Variants in IFT80 observed in about 807,000 individuals in gnomAD.
The protein encoded by IFT80 is intraflagellar transport 80.
In IFT80, 79 loss-of-function variants were observed where a neutral mutation model predicts 107.9. The observed-to-expected ratio is 0.73, with a 90% CI of 0.61 to 0.88. The LOEUF is 0.88. Among genes scored for constraint, IFT80 ranks in the 40% least tolerant of loss-of-function variants. IFT80 has a pLI of 0.00. For missense variants in IFT80, 797 were observed against 914.2 expected (o/e 0.87, Z 1.65); for synonymous variants, 299 against 300.9 (o/e 0.99, Z 0.07).
chr3:160,279,463 A>G, intron 15 of IFT80, 99 bp from the exon 16 acceptor site: 1 of 933,262 alleles, frequency 1.1e-6, no homozygotes. Flanking sequence ...ATACACACGG[A>G]GTCTCCAATC....
At chr3:160,307,414 G>C (rs2108276565) in intron 10 of IFT80, among the ~76,000 whole-genome samples, 1 of 152,306 alleles carries the variant, frequency 6.6e-6, no homozygotes, top group South Asian at 2.1e-4. Flanking sequence ...CTCCAAAAGT[G>C]CTGGGGTTAC....
intron 2 of IFT80, chr3:160,383,595 T>G (rs1458627977): frequency 2.3e-6 from 2 of 888,834 alleles, no homozygotes; most frequent in Non-Finnish European, 2.7e-6. Context: ...AATGTCAAAT[T>G]GCTACAAAAA....
intron 4 of IFT80, among the ~76,000 whole-genome samples, chr3:160,376,906 G>A (rs980105301): frequency 1.3e-5 from 2 of 152,106 alleles, no homozygotes; most frequent in Non-Finnish European, 2.9e-5. Flanking sequence ...TATGACTGCC[G>A]CCGCATCCAA....
At chr3:160,370,491 T>C (rs1722159371) in intron 5 of IFT80, among the ~76,000 whole-genome samples, 1 of 152,120 alleles carries the variant, frequency 6.6e-6, no homozygotes, top group African/African-American at 2.4e-5. Context: ...GTGGGATTTA[T>C]TCAAAAAATT....
At chr3:160,288,351 A>C (rs1445794903) in intron 12 of IFT80, among the ~76,000 whole-genome samples, 3 of 152,182 alleles carry the variant, frequency 2.0e-5, no homozygotes, top group Admixed American at 6.5e-5. Context: ...AAAACAACAA[A>C]AAAAGAAAAT....
At chr3:160,321,958 G>A (rs1052593960) in intron 8 of IFT80, among the ~76,000 whole-genome samples, 5 of 151,686 alleles carry the variant, frequency 3.3e-5, no homozygotes, top group African/African-American at 9.7e-5. Flanking sequence ...GAGCATGCTT[G>A]TTTAAGAAAG....
At chr3:160,310,496 G>A (rs1206380000) in intron 9 of IFT80, among the ~76,000 whole-genome samples, 1 of 152,194 alleles carries the variant, frequency 6.6e-6, no homozygotes, top group Non-Finnish European at 1.5e-5. Context: ...TCTAATGGTT[G>A]AGGAGGCAAA....
intron 8 of IFT80, among the ~76,000 whole-genome samples, chr3:160,323,475 C>G (rs919434619): frequency 1.3e-5 from 2 of 152,062 alleles, no homozygotes; most frequent in Non-Finnish European, 2.9e-5. Flanking sequence ...TAGCATGATG[C>G]CTCCAGCTTT....
At chr3:160,362,223 C>T (rs1310849385) in intron 6 of IFT80, among the ~76,000 whole-genome samples, 1 of 152,132 alleles carries the variant, frequency 6.6e-6, no homozygotes. Flanking sequence ...GAAATACAAA[C>T]TACCATCAGA....
intron 1 of IFT80, among the ~76,000 whole-genome samples, chr3:160,392,254 G>A (rs1426043221): frequency 6.6e-6 from 1 of 152,166 alleles, no homozygotes; most frequent in East Asian, 1.9e-4. Flanking sequence ...CAGTCCTTGT[G>A]CCTCTTCTGT....
In IFT80 at chr3:160,399,191, A is replaced by G. The variant is rs1029049595; in HGVS notation, c.-92T>C. The stretch of plus-strand genomic sequence containing the variant: ...TGGCGATTGCTCTCAAATACCTGGT[A>G]CCTCCCCGTCACCATAGTGACTTCT... On this transcript the variant is annotated 5_prime_UTR_variant, in exon 1 of 20. Coordinates refer to ENST00000326448, the MANE Select transcript of IFT80 (RefSeq NM_020800.3). The G allele has an allele frequency of 3.3e-5, 5 of 152,054 alleles. No homozygotes were observed. The highest frequency in any genetic ancestry group is 2.6e-4 in the Admixed American group (4 of 15,272). 9.4% of individuals were successfully genotyped at this position (152,054 alleles called of 1,614,324 possible).
chr3:160,318,795 C>G (rs945741388), intron 9 of IFT80, among the ~76,000 whole-genome samples: 3 of 152,026 alleles, frequency 2.0e-5, no homozygotes, highest in African/African-American at 7.2e-5. Flanking sequence ...AAAACAAGAG[C>G]AGCAGGAGGT....
chr3:160,337,564 C>A (rs1296700695), intron 8 of IFT80, among the ~76,000 whole-genome samples: 1 of 152,036 alleles, frequency 6.6e-6, no homozygotes, highest in African/African-American at 2.4e-5. Context: ...GCTGAGGTTG[C>A]AGCGAGCTGA....
intron 7 of IFT80, 64 bp from the exon 8 acceptor site, chr3:160,356,214 AAAAT>A: frequency 6.9e-6 from 9 of 1,299,598 alleles, no homozygotes; most frequent in South Asian, 1.3e-5. Context: ...AACTAAAAGA[AAAAT>A]AAATAAATAA....
intron 9 of IFT80, among the ~76,000 whole-genome samples, chr3:160,318,010 T>C (rs1717940069): frequency 6.6e-6 from 1 of 151,340 alleles, no homozygotes; most frequent in South Asian, 2.1e-4. Flanking sequence ...AATGGTAGTG[T>C]GGTTATATTA....
intron 9 of IFT80, among the ~76,000 whole-genome samples, chr3:160,317,822 T>C (rs996299798): frequency 1.3e-5 from 2 of 151,902 alleles, no homozygotes; most frequent in African/African-American, 4.8e-5. Context: ...AAAACAGAGA[T>C]AGAAGGGGAC....
At chr3:160,377,403 C>T in intron 4 of IFT80, 27 bp downstream of exon 4, 1 of 1,305,018 alleles carries the variant, frequency 7.7e-7, no homozygotes, top group South Asian at 1.2e-5. Context: ...ATATTCATTT[C>T]AAATGTCATT....
chr3:160,304,593 AC>A (rs1716698269), intron 10 of IFT80, among the ~76,000 whole-genome samples: 1 of 150,732 alleles, frequency 6.6e-6, no homozygotes, highest in African/African-American at 2.4e-5. Context: ...CTGCCACCAC[AC>A]CCGGCTAATT....
At chr3:160,290,413 G>GAA (rs555146009) in intron 12 of IFT80, among the ~76,000 whole-genome samples, 9 of 49,412 alleles carry the variant, frequency 1.8e-4, no homozygotes, top group African/African-American at 4.0e-4. Flanking sequence ...CTCAAAAACA[G>GAA]AAAAAAAAAA....
Sources: allele counts gnomAD v4.1 joint callset (sites outside exome capture counted in the v4.1 genomes callset), GRCh38; gene constraint gnomAD v4.1.1; transcripts MANE v1.5; gene names NCBI Gene and HGNC (gene_info 2026-07-23, HGNC 2026-07-21).